Variants in PTPN9 observed in about 807,000 individuals in gnomAD.
The protein encoded by PTPN9 is tyrosine-protein phosphatase non-receptor type 9.
PTPN9 carries 26 observed loss-of-function variants against 69.8 expected under a neutral mutation model. The ratio of observed to expected loss-of-function variants is 0.37; its 90% CI spans 0.27 to 0.52. The LOEUF (loss-of-function observed/expected upper bound fraction) is 0.52, where lower values mean the gene tolerates loss of function less well. Among genes scored for constraint, PTPN9 ranks in the 20% least tolerant of loss-of-function variants. The pLI, the probability that PTPN9 is intolerant of heterozygous loss-of-function variation, is 0.91. For synonymous variants in PTPN9, 274 were observed against 272.5 expected (o/e 1.01, Z -0.05); for missense variants, 549 against 740.3 (o/e 0.74, Z 3.00).
chr15:75,513,881 C>T (rs1402289586), intron 5 of PTPN9, among the ~76,000 whole-genome samples: 2 of 150,300 alleles, frequency 1.3e-5, no homozygotes, highest in Admixed American at 1.3e-4. Context: ...AGTGGATCAC[C>T]TGAGGTCAGG....
intron 10 of PTPN9, 101 bp from the exon 11 acceptor site, chr15:75,470,931 C>T (rs934583791): frequency 6.8e-5 from 93 of 1,361,178 alleles, no homozygotes; most frequent in Non-Finnish European, 9.0e-5. Context: ...GCAATATCAT[C>T]TCTTGCATTG....
chr15:75,519,166 C>T (rs1016214262), intron 4 of PTPN9, among the ~76,000 whole-genome samples: 7 of 152,138 alleles, frequency 4.6e-5, no homozygotes, highest in Non-Finnish European at 8.8e-5. Context: ...TGGAGTGCAA[C>T]GGCGGGATCT....
intron 1 of PTPN9, among the ~76,000 whole-genome samples, chr15:75,575,915 T>C (rs763487800): frequency 2.3e-4 from 17 of 74,898 alleles, no homozygotes; most frequent in Non-Finnish European, 2.9e-4. Flanking sequence ...CAAGACTCCA[T>C]CTCAAAAAAA....
intron 9 of PTPN9, among the ~76,000 whole-genome samples, chr15:75,476,632 T>C (rs2074598308): frequency 6.6e-6 from 1 of 152,160 alleles, no homozygotes; most frequent in South Asian, 2.1e-4. Flanking sequence ...ATATTTTGTA[T>C]GCCTATATCT....
At chr15:75,561,138 A>G (rs2075102569) in intron 1 of PTPN9, among the ~76,000 whole-genome samples, 2 of 151,948 alleles carry the variant, frequency 1.3e-5, no homozygotes, top group South Asian at 4.1e-4. Context: ...CAACATGGTG[A>G]AACCTTATCT....
intron 5 of PTPN9, 43 bp downstream of exon 5, chr15:75,517,216 C>T: frequency 7.2e-7 from 1 of 1,382,628 alleles, no homozygotes; most frequent in South Asian, 1.3e-5. Flanking sequence ...TATATATATC[C>T]CAAGCATTGA....
intron 7 of PTPN9, among the ~76,000 whole-genome samples, chr15:75,504,131 A>G (rs374676031): frequency 0.059 from 539 of 9,076 alleles, no homozygotes; most frequent in African/African-American, 0.12. Context: ...GGAGGTGGGG[A>G]GGTCAGCCCC....
At chr15:75,547,768 C>A (rs1175183552) in intron 1 of PTPN9, among the ~76,000 whole-genome samples, 1 of 151,758 alleles carries the variant, frequency 6.6e-6, no homozygotes, top group Non-Finnish European at 1.5e-5. Flanking sequence ...TGGGTTCAAG[C>A]AATTCTCCTG....
At chr15:75,530,721 T>G (rs1809717506) in intron 1 of PTPN9, among the ~76,000 whole-genome samples, 1 of 29,844 alleles carries the variant, frequency 3.4e-5, no homozygotes, top group African/African-American at 2.8e-4. Flanking sequence ...TTATATAATA[T>G]ATATAATATA....
Position 75,524,250 on chromosome 15 carries a change from G to T in PTPN9, c.256C>A (p.Pro86Thr). The T allele has an allele frequency of 6.2e-7, 1 of 1,612,694 alleles. No homozygotes were observed. The highest frequency in any genetic ancestry group is 8.5e-7 in the Non-Finnish European group (1 of 1,179,066). ...CCACTGAGGATCTCAGAACGAAGAG[G>T]TTCCTCATGAGGTTTCAGCTTTACA... is the stretch of plus-strand genomic sequence containing the variant. Reference protein sequence around the residue: ...GIVKLKPHEEPLRSEILSGKF... With the variant: ...GIVKLKPHEETLRSEILSGKF... Residue 86 changes from proline (P) to threonine (T), a missense_variant, in exon 3 of 13, where the codon CCT becomes ACT. By Grantham distance (38) the Pro-to-Thr change is conservative. Coordinates refer to ENST00000618819, the MANE Select transcript of PTPN9 (RefSeq NM_002833.4).
rs992589698 is a variant in PTPN9, at chr15:75,464,622, G to A, written c.*4147C>T. Reference sequence around the variant, plus strand: ...GTGGTAAGACCTCAAAACCACAAAAGAGCTGGGTCACTCTAGAGAAGCTTT... The same window carrying A: ...GTGGTAAGACCTCAAAACCACAAAAAAGCTGGGTCACTCTAGAGAAGCTTT... On this transcript the variant is annotated 3_prime_UTR_variant, in exon 13 of 13. Coordinates refer to ENST00000618819, the MANE Select transcript of PTPN9 (RefSeq NM_002833.4). The A allele has an allele frequency of 6.6e-6, 1 of 152,174 alleles. No individual in the cohort carries two copies. Among genetic ancestry groups the A allele is most frequent in the African/African-American group, 2.4e-5 (1 of 41,422 alleles). 9.4% of individuals were successfully genotyped at this position (152,174 alleles called of 1,614,324 possible). A position where few individuals can be genotyped will look rare whatever the true frequency, so the allele number is the denominator to read the frequency against.
chr15:75,485,354 C>CTTTTTTTTTTT (rs891447336), intron 8 of PTPN9, among the ~76,000 whole-genome samples: 1 of 78,752 alleles, frequency 1.3e-5, no homozygotes, highest in Non-Finnish European at 2.3e-5. Context: ...ATTGTCACTT[C>CTTTTTTTTTTT]TTTTTTTTTT....
intron 1 of PTPN9, among the ~76,000 whole-genome samples, chr15:75,545,125 A>G (rs1393081381): frequency 6.6e-6 from 1 of 152,236 alleles, no homozygotes; most frequent in East Asian, 1.9e-4. Context: ...CCACAACTGC[A>G]TACTCAACAC....
At chr15:75,478,521 T>A (rs1049877259) in intron 9 of PTPN9, among the ~76,000 whole-genome samples, 1 of 152,202 alleles carries the variant, frequency 6.6e-6, no homozygotes, top group African/African-American at 2.4e-5. Context: ...TACTCCCCCC[T>A]CAGCCTCCCA....
chr15:75,544,394 G>A (rs574239337), intron 1 of PTPN9, among the ~76,000 whole-genome samples: 1 of 152,274 alleles, frequency 6.6e-6, no homozygotes, highest in African/African-American at 2.4e-5. Flanking sequence ...AATTAGCCGG[G>A]TGTGGCAGTG....
At chr15:75,486,111 A>T (rs112114528) in intron 8 of PTPN9, among the ~76,000 whole-genome samples, 25,874 of 150,858 alleles carry the variant, frequency 0.17, 3,076 homozygotes, top group Non-Finnish European at 0.25. Flanking sequence ...AAAAAAAAAA[A>T]AAAAACAAAA....
intron 7 of PTPN9, among the ~76,000 whole-genome samples, chr15:75,491,640 A>C (rs1323301931): frequency 6.6e-6 from 1 of 152,234 alleles, no homozygotes; most frequent in Non-Finnish European, 1.5e-5. Context: ...CTATGGGCTC[A>C]GAAAAAGAAG....
rs567328248 is a variant in PTPN9 at position 75,575,355 on chromosome 15, G to A, written c.63+3359C>T. Among the ~76,000 whole-genome samples the A allele has an allele frequency of 2.2e-4, 34 of 152,124 alleles. No individual in the cohort carries two copies. The South Asian group carries it at 6.0e-3, about 27-fold the overall frequency. On this transcript the variant is annotated intron_variant, in intron 1 of 12. Coordinates refer to ENST00000618819, the MANE Select transcript of PTPN9 (RefSeq NM_002833.4). ...ACTTTTGCATGAAAATGTGTAAACC[G>A]AATTTGATCCCCTACTTTAAATAAG...
At chr15:75,483,112 A>C (rs1042363120) in intron 8 of PTPN9, among the ~76,000 whole-genome samples, 1 of 152,180 alleles carries the variant, frequency 6.6e-6, no homozygotes, top group Non-Finnish European at 1.5e-5. Context: ...ACATGTGTAA[A>C]CCCTCCTTAT....
Sources: gnomAD v4.1 joint callset for allele counts (sites outside exome capture counted in the v4.1 genomes callset) on GRCh38, gnomAD v4.1.1 for gene constraint, MANE v1.5 for transcripts, NCBI Gene and HGNC (gene_info 2026-07-23, HGNC 2026-07-21) for gene names.